PHF21B: variants seen among roughly 807,000 people sequenced by gnomAD.
PHF21B encodes PHD finger protein 4.
A neutral mutation model predicts 62.2 loss-of-function variants in PHF21B; 22 were observed. The observed-to-expected ratio is 0.35, with a 90% CI of 0.25 to 0.51. The LOEUF (loss-of-function observed/expected upper bound fraction) is 0.51. Among genes scored for constraint, PHF21B ranks in the 20% least tolerant of loss-of-function variants. PHF21B has a pLI of 0.97. For synonymous variants in PHF21B, 341 were observed against 314.7 expected (o/e 1.08, Z -0.88); for missense variants, 701 against 707.9 (o/e 0.99, Z 0.11).
chr22:44,951,577 C>T (rs1184871283), intron 2 of PHF21B, among the ~76,000 whole-genome samples: 1 of 152,208 alleles, frequency 6.6e-6, no homozygotes, highest in Non-Finnish European at 1.5e-5. Flanking sequence ...ATTTGCCCAA[C>T]ATTAACACCT....
At chr22:44,993,712 AC>A (rs761128221) in intron 2 of PHF21B, among the ~76,000 whole-genome samples, 61 of 152,364 alleles carry the variant, frequency 4.0e-4, no homozygotes, top group African/African-American at 1.4e-3. Context: ...TGCAGGCCAA[AC>A]AGCAACAAGG....
At chr22:44,953,850 G>A (rs1437607494) in intron 2 of PHF21B, among the ~76,000 whole-genome samples, 2 of 152,190 alleles carry the variant, frequency 1.3e-5, no homozygotes, top group African/African-American at 4.8e-5. Context: ...TCTATGTAAA[G>A]GCATGATCAT....
chr22:44,950,746 T>A (rs2147389045), intron 2 of PHF21B, among the ~76,000 whole-genome samples: 1 of 152,330 alleles, frequency 6.6e-6, no homozygotes, highest in East Asian at 1.9e-4. Context: ...AATGAATCCA[T>A]AATTGAAGCA....
At chr22:44,996,123 G>A (rs958897045) in intron 2 of PHF21B, among the ~76,000 whole-genome samples, 1 of 152,236 alleles carries the variant, frequency 6.6e-6, no homozygotes, top group African/African-American at 2.4e-5. Flanking sequence ...ACAACAGGGG[G>A]GTGCTGGGCC....
intron 2 of PHF21B, among the ~76,000 whole-genome samples, chr22:44,925,066 T>G (rs1196916844): frequency 6.6e-6 from 1 of 152,208 alleles, no homozygotes; most frequent in African/African-American, 2.4e-5. Context: ...ATCCATACTG[T>G]ATGATGCTAG....
Position 45,009,170 on chromosome 22 carries a change from C to T in PHF21B, c.54+326G>A. 1 of 453,296 alleles carries T rather than the reference C, an allele frequency of 2.2e-6. No homozygotes were observed. The highest frequency in any genetic ancestry group is 3.5e-6 in the Non-Finnish European group (1 of 289,498). 28.1% of individuals were successfully genotyped at this position (453,296 alleles called of 1,614,324 possible). ...GAGGCCGGAAGGGGGCCTATTCGCA[C>T]TCCCCTCCCCGGGACCGGCTCACGA... On this transcript the variant is annotated intron_variant, in intron 1 of 12. Transcript: ENST00000313237. This position sits in a 1 kb window ranked among gnomAD's most constrained non-coding sequence, Gnocchi z 5.9.
rs199644259 is a variant in PHF21B at position 44,913,847 on chromosome 22, C to T, written c.806G>A (p.Arg269Gln). The change falls in exon 5 of 13, where the codon CGG becomes CAG. Residue 269 changes from arginine to glutamine, a missense_variant. Physicochemically the swap from Arg to Gln is conservative, Grantham distance 43. Coordinates refer to ENST00000313237, the MANE Select transcript of PHF21B (RefSeq NM_138415.5). ...AQATKKKKED[R>Q]PPTQENPEKI... ...CTCGGGGTTCTCCTGGGTCGGGGGC[C>T]GGTCTTCCTTCTTCTTTTTGGTGGC... is the stretch of plus-strand genomic sequence containing the variant. 42 of 1,613,774 alleles carry T rather than the reference C, an allele frequency of 2.6e-5. No homozygotes were observed. Among genetic ancestry groups the T allele is most frequent in the African/African-American group, 6.7e-5 (5 of 75,018 alleles).
chr22:44,943,394 C>T (rs1431165140), intron 2 of PHF21B, among the ~76,000 whole-genome samples: 3 of 152,184 alleles, frequency 2.0e-5, no homozygotes, highest in South Asian at 2.1e-4. Context: ...TTGTTTTGAG[C>T]AGAGCCCCAT....
intron 5 of PHF21B, among the ~76,000 whole-genome samples, chr22:44,907,398 A>T (rs914808939): frequency 3.9e-5 from 6 of 152,208 alleles, no homozygotes; most frequent in Admixed American, 3.3e-4. Flanking sequence ...TAAAGGGGAC[A>T]CGATCCCACC....
chr22:44,991,619 C>T (rs770070714), intron 2 of PHF21B, among the ~76,000 whole-genome samples: 1 of 152,184 alleles, frequency 6.6e-6, no homozygotes, highest in Non-Finnish European at 1.5e-5. Flanking sequence ...CATGGAGGGG[C>T]AGTCCCTTAC....
chr22:44,945,927 C>T (rs899629682), intron 2 of PHF21B, among the ~76,000 whole-genome samples: 1 of 152,148 alleles, frequency 6.6e-6, no homozygotes, highest in African/African-American at 2.4e-5. Flanking sequence ...TCAGGGCCAC[C>T]CGTGCTGTTC....
chr22:44,900,783 CTTT>C (rs34015375), intron 5 of PHF21B, among the ~76,000 whole-genome samples: 25 of 128,332 alleles, frequency 1.9e-4, no homozygotes, highest in Admixed American at 2.3e-4. Context: ...TAAAGTGACT[CTTT>C]TTTTTTTTTT....
rs762978 is a variant in PHF21B, at chr22:44,882,029, A to G, written c.*1057T>C. 72,171 of 152,582 alleles carry G rather than the reference A, an allele frequency of 0.47. 17,197 individuals carry two copies. The highest frequency in any genetic ancestry group is 0.51 in the East Asian group (2,619 of 5,158). 9.5% of individuals were successfully genotyped at this position (152,582 alleles called of 1,614,324 possible). ...TTTGTACCTTGAAGCAGAGACTACT[A>G]GAAGCAGAAAGGAAGTCAGCCAGAG... On this transcript the variant is annotated 3_prime_UTR_variant, in exon 13 of 13. Coordinates refer to ENST00000313237, the MANE Select transcript of PHF21B (RefSeq NM_138415.5).
intron 5 of PHF21B, among the ~76,000 whole-genome samples, chr22:44,912,608 T>A (rs531812082): frequency 2.6e-5 from 4 of 152,204 alleles, no homozygotes; most frequent in Admixed American, 2.6e-4. Flanking sequence ...TCCCCAGCCA[T>A]GTGGAACTGT....
chr22:45,002,849 T>C (rs931390046), intron 2 of PHF21B: 10 of 152,376 alleles, frequency 6.6e-5, no homozygotes, highest in Admixed American at 3.3e-4. Flanking sequence ...GCCAGAAAAC[T>C]CAGCAGCGCC....
intron 2 of PHF21B, among the ~76,000 whole-genome samples, chr22:44,997,595 G>C (rs1343738666): frequency 4.4e-4 from 67 of 152,048 alleles, no homozygotes; most frequent in Admixed American, 4.4e-3. Flanking sequence ...CTGTCACTTT[G>C]CAAGCTGCAT....
chr22:44,895,557 C>T (rs193274122), intron 6 of PHF21B, among the ~76,000 whole-genome samples: 20 of 152,306 alleles, frequency 1.3e-4, no homozygotes, highest in Admixed American at 1.3e-3. Flanking sequence ...CAACAATCCC[C>T]AGAGGACAGT....
At position 44,967,613 on chromosome 22, in the gene PHF21B, G is replaced by A. The variant is rs115712910; in HGVS notation, c.120+40932C>T. Among the ~76,000 whole-genome samples, 709 of 152,316 alleles carry A rather than the reference G, an allele frequency of 4.7e-3. 5 individuals carry two copies. The highest frequency in any genetic ancestry group is 0.016 in the African/African-American group (682 of 41,574). On this transcript the variant is annotated intron_variant, in intron 2 of 12. Transcript: ENST00000313237. ...ATATAGCACAGAGCATTCCCCAGTA[G>A]CCCACGCTGTTTCTGCGACTGTTAA...
At chr22:44,946,478 G>C (rs1331399999) in intron 2 of PHF21B, among the ~76,000 whole-genome samples, 1 of 152,092 alleles carries the variant, frequency 6.6e-6, no homozygotes, top group Admixed American at 6.5e-5. Context: ...ATGGGAAAGA[G>C]GAAACACGGA....
Sources: gnomAD v4.1 joint callset for allele counts (sites outside exome capture counted in the v4.1 genomes callset) on GRCh38, gnomAD v4.1.1 for gene constraint, Gnocchi (gnomAD v3.1) non-coding constraint, MANE v1.5 for transcripts, NCBI Gene and HGNC (gene_info 2026-07-23, HGNC 2026-07-21) for gene names.